CLNK: variants seen among roughly 807,000 people sequenced by gnomAD.
The protein encoded by CLNK is cytokine dependent hematopoietic cell linker.
A neutral mutation model predicts 68.6 loss-of-function variants in CLNK; 74 were observed. That is an observed-to-expected ratio of 1.08 (90% CI 0.89 to 1.31). The LOEUF (loss-of-function observed/expected upper bound fraction) is 1.31, where lower values mean the gene tolerates loss of function less well. CLNK is among the 50% of genes most tolerant of loss of function. The pLI, the probability that CLNK is intolerant of heterozygous loss-of-function variation, is 0.00. For missense variants in CLNK, 553 were observed against 515.3 expected (o/e 1.07, Z -0.71); for synonymous variants, 198 against 172.2 (o/e 1.15, Z -1.17).
chr4:10,608,616 C>G (rs1021288329), intron 2 of CLNK, among the ~76,000 whole-genome samples: 2 of 152,174 alleles, frequency 1.3e-5, no homozygotes, highest in African/African-American at 4.8e-5. Flanking sequence ...GTCATGGGAA[C>G]CAACTCCTTA....
intron 18 of CLNK, among the ~76,000 whole-genome samples, chr4:10,492,400 A>G (rs1178100944): frequency 6.6e-6 from 1 of 152,190 alleles, no homozygotes. Flanking sequence ...TAGGTGCAGC[A>G]ATGTTGCAAG....
At chr4:10,579,132 C>T (rs1720687984) in intron 4 of CLNK, among the ~76,000 whole-genome samples, 1 of 152,150 alleles carries the variant, frequency 6.6e-6, no homozygotes, top group Non-Finnish European at 1.5e-5. Context: ...AGGAACCATA[C>T]AGTATTTGGG....
intron 3 of CLNK, among the ~76,000 whole-genome samples, chr4:10,594,487 G>A (rs1721313325): frequency 6.6e-6 from 1 of 152,222 alleles, no homozygotes; most frequent in Admixed American, 6.5e-5. Flanking sequence ...CTGGGCTCCA[G>A]CACGTGTCCT....
the CLNK span, among the ~76,000 whole-genome samples, chr4:10,720,464 T>C: frequency 3.3e-5 from 5 of 152,094 alleles, no homozygotes; most frequent in African/African-American, 1.2e-4. Flanking sequence ...GATACGCAGA[T>C]GACAAATGAG....
chr4:10,668,112 T>C (rs1029960743), intron 1 of CLNK, among the ~76,000 whole-genome samples: 5 of 152,160 alleles, frequency 3.3e-5, no homozygotes, highest in Non-Finnish European at 7.3e-5. Flanking sequence ...TGACAGGCTG[T>C]CCTCTTTCTG....
At chr4:10,716,529 G>C in the CLNK span, among the ~76,000 whole-genome samples, 1 of 152,280 alleles carries the variant, frequency 6.6e-6, no homozygotes, top group South Asian at 2.1e-4. Context: ...AAGGTGGTGA[G>C]TTCCCTGAGA....
At chr4:10,626,037 TG>T (rs753482684) in intron 2 of CLNK, among the ~76,000 whole-genome samples, 1 of 152,202 alleles carries the variant, frequency 6.6e-6, no homozygotes, top group Non-Finnish European at 1.5e-5. Flanking sequence ...GGCTGAATCT[TG>T]GGGGACATCC....
chr4:10,545,124 G>C (rs1374286533), intron 8 of CLNK, among the ~76,000 whole-genome samples: 2 of 152,130 alleles, frequency 1.3e-5, no homozygotes, highest in Non-Finnish European at 2.9e-5. Context: ...TCACCGAAAT[G>C]CATGTCCTCA....
In CLNK at chr4:10,540,679, G is replaced by C; in HGVS notation, c.492-75C>G. On this transcript the variant is annotated intron_variant, in intron 10 of 18. Transcript: ENST00000226951. ...ATGCCTCAGGCCCTGAATCCACACT[G>C]CTCTGCCCTCCGTGTCCCCAGCTTT... The C allele has an allele frequency of 4.0e-6, 4 of 993,738 alleles. No homozygotes were observed. In the Admixed American group the frequency reaches 7.5e-5, roughly 19 times the overall value. 61.6% of individuals were successfully genotyped at this position (993,738 alleles called of 1,614,324 possible).
chr4:10,687,264 G>A (rs776160194), upstream of CLNK, among the ~76,000 whole-genome samples: 1 of 151,798 alleles, frequency 6.6e-6, no homozygotes, highest in Admixed American at 6.6e-5. Flanking sequence ...TAATAGAGAG[G>A]TATTGAACAA....
chr4:10,608,679 C>G (rs1721879079), intron 2 of CLNK, among the ~76,000 whole-genome samples: 1 of 152,218 alleles, frequency 6.6e-6, no homozygotes, highest in African/African-American at 2.4e-5. Flanking sequence ...AGAAAACCCT[C>G]ATGTTATTCT....
intron 2 of CLNK, among the ~76,000 whole-genome samples, chr4:10,639,030 T>G (rs1004714220): frequency 1.3e-5 from 2 of 152,238 alleles, no homozygotes; most frequent in Non-Finnish European, 2.9e-5. Context: ...AGCATATGCA[T>G]GTTTATGGGA....
At position 10,566,146 on chromosome 4, in the gene CLNK, C is replaced by A; in HGVS notation, c.155G>T (p.Arg52Ile). 6.2e-7 allele frequency: 1 copy of A among 1,613,536 alleles called. No homozygotes were observed. Among genetic ancestry groups the A allele is most frequent in the Non-Finnish European group, 8.5e-7 (1 of 1,179,606 alleles). The change falls in exon 6 of 19, where the codon AGA becomes ATA. Residue 52 changes from arginine (R) to isoleucine (I), a missense_variant. Coordinates refer to ENST00000226951, the MANE Select transcript of CLNK (RefSeq NM_052964.4). ...TCCATCCAGGACTGCAGCAAAGTTT[C>A]TTTCCTAAGCAGGTGGTAACATTCC... ...RMNKPLLDWE[R>I]NFAAVLDGAK...
the CLNK span, among the ~76,000 whole-genome samples, chr4:10,729,638 G>T: frequency 6.6e-6 from 1 of 152,154 alleles, no homozygotes; most frequent in African/African-American, 2.4e-5. Flanking sequence ...CAACACTGAT[G>T]AAACTAGAAG....
chr4:10,558,899 G>A (rs73228207), intron 7 of CLNK, among the ~76,000 whole-genome samples: 23,431 of 152,068 alleles, frequency 0.15, 1,878 homozygotes, highest in Middle Eastern at 0.18. Flanking sequence ...CCTCCAGCTC[G>A]TGCTGACTGT....
At chr4:10,492,276 T>A in intron 18 of CLNK, among the ~76,000 whole-genome samples, 1 of 152,178 alleles carries the variant, frequency 6.6e-6, no homozygotes, top group Non-Finnish European at 1.5e-5. Context: ...TTGTGACCTC[T>A]GATGCTCCAA....
Position 10,620,322 on chromosome 4 carries a change from T to A in CLNK, c.12-22273A>T, listed in dbSNP as rs139979848. 3.2e-4 allele frequency among the ~76,000 whole-genome samples: 49 copies of A among 152,288 alleles called. No homozygotes were observed. The East Asian group carries it at 9.1e-3, about 28-fold the overall frequency. On this transcript the variant is annotated intron_variant, in intron 2 of 18. Coordinates refer to ENST00000226951, the MANE Select transcript of CLNK (RefSeq NM_052964.4). ...TTGCTTCATTTGGAACCCATTGCTT[T>A]GTCCTTTTCAGAGAGGTTTTGTCAC... is the stretch of plus-strand genomic sequence containing the variant.
intron 2 of CLNK, among the ~76,000 whole-genome samples, chr4:10,621,956 C>T (rs757251764): frequency 5.9e-5 from 9 of 152,174 alleles, no homozygotes; most frequent in Non-Finnish European, 8.8e-5. Context: ...AGAAAATGTA[C>T]ACCGTTAAGT....
chr4:10,717,058 G>A, the CLNK span, among the ~76,000 whole-genome samples: 15 of 152,028 alleles, frequency 9.9e-5, no homozygotes, highest in Non-Finnish European at 1.6e-4. Context: ...CACTGGCCAA[G>A]GATGAGTGGG....
Sources: gnomAD v4.1 joint callset for allele counts (sites outside exome capture counted in the v4.1 genomes callset) on GRCh38, gnomAD v4.1.1 for gene constraint, MANE v1.5 for transcripts, NCBI Gene and HGNC (gene_info 2026-07-23, HGNC 2026-07-21) for gene names.